RUNX2: variants seen among roughly 807,000 people sequenced by gnomAD.
RUNX2 encodes the protein RUNX family transcription factor 2.
RUNX2 carries 10 observed loss-of-function variants against 51.7 expected under a neutral mutation model. The ratio of observed to expected loss-of-function variants is 0.19; its 90% CI spans 0.12 to 0.33. The LOEUF is 0.33. Ranked by LOEUF, RUNX2 falls within the 10% of genes least tolerant of loss-of-function variation. The pLI, the probability that RUNX2 is intolerant of heterozygous loss-of-function variation, is 1.00. For synonymous variants in RUNX2, 276 were observed against 273.6 expected, an observed-to-expected ratio of 1.01 and a Z score of -0.09; for missense variants, 562 against 691.3, an observed-to-expected ratio of 0.81 and a Z score of 2.10.
chr6:45,348,674 CA>C (rs574845659), intron 2 of RUNX2, among the ~76,000 whole-genome samples: 1,047 of 76,008 alleles, frequency 0.014, 12 homozygotes, highest in African/African-American at 0.051. Flanking sequence ...AACTCCAACT[CA>C]AAAAAAAAAA....
intron 2 of RUNX2, 114 bp from the exon 3 acceptor site, chr6:45,422,479 C>CT: frequency 8.7e-6 from 3 of 344,408 alleles, no homozygotes; most frequent in South Asian, 7.2e-5. Flanking sequence ...CATCCTCTTT[C>CT]CCCCCGTCTC....
rs762474281 is a variant in RUNX2, at chr6:45,422,883, G to A, written c.349G>A (p.Asp117Asn). Residue 117 changes from aspartate to asparagine, a missense_variant, in exon 3 of 9, where the codon GAC becomes AAC. Coordinates refer to ENST00000647337, the MANE Select transcript of RUNX2 (RefSeq NM_001024630.4). Reference protein sequence around the residue: ...ADHPAELVRTDSPNFLCSVLP... With the variant: ...ADHPAELVRTNSPNFLCSVLP... ...CCACCCGGCCGAACTCGTCCGCACC[G>A]ACAGCCCCAACTTCCTGTGCTCGGT... is the stretch of plus-strand genomic sequence containing the variant. 1 of 1,612,654 alleles carries A rather than the reference G, an allele frequency of 6.2e-7. No homozygotes were observed. The highest frequency in any genetic ancestry group is 8.5e-7 in the Non-Finnish European group (1 of 1,179,598).
intron 7 of RUNX2, among the ~76,000 whole-genome samples, chr6:45,531,157 T>C (rs1441075720): frequency 6.6e-6 from 1 of 152,188 alleles, no homozygotes; most frequent in Non-Finnish European, 1.5e-5. Flanking sequence ...AATATGCTTT[T>C]CCCTACTCTG....
rs1433349166 is a variant in RUNX2, at chr6:45,510,698, A to G, written c.860-1548A>G. On this transcript the variant is annotated intron_variant, in intron 6 of 8. Coordinates refer to ENST00000647337, the MANE Select transcript of RUNX2 (RefSeq NM_001024630.4). ...TCCAAGTGTATTAACTCCAGTTCAG[A>G]TATGTTTGAAACATGGAACTTACCC... Among the ~76,000 whole-genome samples, 3 of 151,980 alleles carry G rather than the reference A, an allele frequency of 2.0e-5. No individual in the cohort carries two copies. The East Asian group carries it at 5.8e-4, about 29-fold the overall frequency.
At chr6:45,504,866 G>C (rs1226402232) in intron 6 of RUNX2, among the ~76,000 whole-genome samples, 2 of 152,144 alleles carry the variant, frequency 1.3e-5, no homozygotes, top group Non-Finnish European at 2.9e-5. Flanking sequence ...GGTTTACACA[G>C]CCTGATTTGA....
Position 45,474,373 on chromosome 6 carries a change from ATGTGTGTGTGTGTGTGTG to A in RUNX2, c.686-17552_686-17535del, listed in dbSNP as rs56719456. Among the ~76,000 whole-genome samples, 8 of 149,516 alleles carry A rather than the reference ATGTGTGTGTGTGTGTGTG, an allele frequency of 5.4e-5. No homozygotes were observed. The South Asian group carries it at 6.4e-4, about 12-fold the overall frequency. ...GCCACCATATTTTTATGTTTTATAT[ATGTGTGTGTGTGTGTGTG>A]TGTGTGTGTGTGTGTATTTCAGTAG... is the stretch of plus-strand genomic sequence containing the variant. On this transcript the variant is annotated intron_variant, in intron 5 of 8. Coordinates refer to ENST00000647337, the MANE Select transcript of RUNX2 (RefSeq NM_001024630.4).
chr6:45,437,925 T>TTA, intron 4 of RUNX2, 22 bp from the exon 5 acceptor site: 1 of 1,529,552 alleles, frequency 6.5e-7, no homozygotes, highest in Non-Finnish European at 9.1e-7. Flanking sequence ...TCACTGTATA[T>TTA]TTTCCCCTTT....
At chr6:45,487,334 C>CA (rs1346051552) in intron 5 of RUNX2, among the ~76,000 whole-genome samples, 1 of 152,130 alleles carries the variant, frequency 6.6e-6, no homozygotes, top group Non-Finnish European at 1.5e-5. Flanking sequence ...TTAGGTAAGG[C>CA]ATGTCCCCTC....
At chr6:45,419,656 C>T (rs112344903) in intron 2 of RUNX2, among the ~76,000 whole-genome samples, 6 of 152,310 alleles carry the variant, frequency 3.9e-5, no homozygotes, top group African/African-American at 1.4e-4. Flanking sequence ...ACGCAGGGGA[C>T]GCGGCGGTGC....
chr6:45,413,270 A>G (rs1245623735), intron 2 of RUNX2, among the ~76,000 whole-genome samples: 2 of 152,166 alleles, frequency 1.3e-5, no homozygotes, highest in Non-Finnish European at 2.9e-5. Flanking sequence ...TTAAAATTAC[A>G]TAGTAATAAG....
At chr6:45,491,801 T>C (rs911035741) in intron 5 of RUNX2, 140 bp from the exon 6 acceptor site, 1 of 883,318 alleles carries the variant, frequency 1.1e-6, no homozygotes. Context: ...TGGAAGGCAT[T>C]ATGTAGACAA....
At chr6:45,541,013 G>A (rs1005610395) in intron 7 of RUNX2, among the ~76,000 whole-genome samples, 1 of 152,196 alleles carries the variant, frequency 6.6e-6, no homozygotes, top group Non-Finnish European at 1.5e-5. Flanking sequence ...GGTATGGAAT[G>A]TATTTGAATT....
chr6:45,535,043 A>C, intron 7 of RUNX2, among the ~76,000 whole-genome samples: 1 of 152,158 alleles, frequency 6.6e-6, no homozygotes, highest in East Asian at 1.9e-4. Flanking sequence ...CTGAATGATG[A>C]GAACACATGG....
At position 45,345,720 on chromosome 6, in the gene RUNX2, A is replaced by G. The variant is rs538908800; in HGVS notation, c.58+16936A>G. 9.9e-5 allele frequency among the ~76,000 whole-genome samples: 15 copies of G among 152,284 alleles called. No homozygotes were observed. The South Asian group carries it at 2.5e-3, about 25-fold the overall frequency. On this transcript the variant is annotated intron_variant, in intron 2 of 8. Coordinates refer to ENST00000647337, the MANE Select transcript of RUNX2 (RefSeq NM_001024630.4). The stretch of plus-strand genomic sequence containing the variant: ...GCCAACTCATTTTACATGATGCATT[A>G]TCAATTCTTCTTAATGAGTATCAAT...
chr6:45,469,295 G>T (rs1385344831), intron 5 of RUNX2, among the ~76,000 whole-genome samples: 1 of 152,180 alleles, frequency 6.6e-6, no homozygotes, highest in African/African-American at 2.4e-5. Flanking sequence ...CCCAGTGAAT[G>T]TTTATCGGGT....
rs1297161063 is a variant in RUNX2, at chr6:45,547,775, A to G, written c.*470A>G. The G allele has an allele frequency of 1.4e-5, 3 of 211,466 alleles. No individual in the cohort carries two copies. Among genetic ancestry groups the G allele is most frequent in the Non-Finnish European group, 2.9e-5 (3 of 103,524 alleles). The allele number at this position is 211,466 out of a possible 1,614,324, so 13.1% of individuals were successfully genotyped here. On this transcript the variant is annotated 3_prime_UTR_variant, in exon 9 of 9. Coordinates refer to ENST00000647337, the MANE Select transcript of RUNX2 (RefSeq NM_001024630.4). ...CGCAGACAGCTCACAAAACCAGTTGAGGTGCACTAAAGGGACATGAGGTAG... is the reference window on the plus strand; with the variant it reads ...CGCAGACAGCTCACAAAACCAGTTGGGGTGCACTAAAGGGACATGAGGTAG...
At chr6:45,496,416 A>G (rs908786926) in intron 6 of RUNX2, among the ~76,000 whole-genome samples, 6 of 152,252 alleles carry the variant, frequency 3.9e-5, no homozygotes, top group Admixed American at 3.9e-4. Flanking sequence ...TTTTAGTGTC[A>G]GACACAGTCA....
chr6:45,365,211 GTAA>G (rs1395571223), intron 2 of RUNX2: 1 of 1,606,956 alleles, frequency 6.2e-7, no homozygotes, highest in Non-Finnish European at 8.5e-7. Context: ...ATCATACTCT[GTAA>G]TTCTGTTGCA....
chr6:45,356,151 CA>C (rs1793125709), intron 2 of RUNX2, among the ~76,000 whole-genome samples: 1 of 151,902 alleles, frequency 6.6e-6, no homozygotes, highest in Admixed American at 6.6e-5. Context: ...AATGTTATGC[CA>C]ATTAGAAAAC....
Sources: gnomAD v4.1 joint callset for allele counts (sites outside exome capture counted in the v4.1 genomes callset) on GRCh38, gnomAD v4.1.1 for gene constraint, MANE v1.5 for transcripts, NCBI Gene and HGNC (gene_info 2026-07-23, HGNC 2026-07-21) for gene names.